The following PELI2 variants were observed in gnomAD, a reference collection of about 807,000 sequenced individuals.
PELI2 encodes the protein pellino E3 ubiquitin protein ligase family member 2, also known as E3 ubiquitin-protein ligase pellino homolog 2.
PELI2 carries 23 observed loss-of-function variants against 42.3 expected under a neutral mutation model. The ratio of observed to expected loss-of-function variants is 0.54; its 90% CI spans 0.39 to 0.77. PELI2 has a LOEUF of 0.77. Among genes scored for constraint, PELI2 ranks in the 30% least tolerant of loss-of-function variants. The pLI, the probability that PELI2 is intolerant of heterozygous loss-of-function variation, is 0.00. For missense variants in PELI2, 463 were observed against 553.2 expected (o/e 0.84, Z 1.64); for synonymous variants, 245 against 212.2 (o/e 1.15, Z -1.34).
intron 1 of PELI2, among the ~76,000 whole-genome samples, chr14:56,158,065 T>C (rs1454509988): frequency 2.6e-5 from 4 of 152,230 alleles, no homozygotes; most frequent in Non-Finnish European, 5.9e-5. Context: ...TCTCACTCTG[T>C]TGCCCAGGCT....
chr14:56,159,292 C>T (rs555772179), intron 1 of PELI2, among the ~76,000 whole-genome samples: 45 of 152,322 alleles, frequency 3.0e-4, no homozygotes, highest in African/African-American at 1.0e-3. Context: ...TCTGGGTCTT[C>T]TCCAAGTGTC....
At position 56,290,427 on chromosome 14, in the gene PELI2, A is replaced by G. The variant is rs1445871537; in HGVS notation, c.667A>G (p.Thr223Ala). 3 of 1,606,954 alleles carry G rather than the reference A, an allele frequency of 1.9e-6. No individual in the cohort carries two copies. Among genetic ancestry groups the G allele is most frequent in the African/African-American group, 1.3e-5 (1 of 74,748 alleles). ...VCGDVYTLRE[T>A]RSAQQRGKLV... ...TGGAGATGTGTACACCTTGCGAGAA[A>G]CCAGGTCGGCCCAGCAACGAGGAAA... Residue 223 changes from threonine (T) to alanine (A), a missense_variant, in exon 5 of 6, where the codon ACC becomes GCC. This residue lies in a region of PELI2 where 343 missense variants were observed against 378.4 expected (regional missense o/e 0.91). Transcript: ENST00000267460.
chr14:56,136,705 C>T (rs536008079), intron 1 of PELI2, among the ~76,000 whole-genome samples: 1 of 152,252 alleles, frequency 6.6e-6, no homozygotes, highest in East Asian at 1.9e-4. Context: ...ATGTGGGACT[C>T]CTGCCATGGG....
At chr14:56,266,373 C>G (rs1284275451) in intron 2 of PELI2, among the ~76,000 whole-genome samples, 1 of 151,868 alleles carries the variant, frequency 6.6e-6, no homozygotes, top group African/African-American at 2.4e-5. Context: ...CAATGGAAAT[C>G]TTTTTTAATA....
chr14:56,229,379 C>T (rs951382676), intron 2 of PELI2, among the ~76,000 whole-genome samples: 2 of 152,180 alleles, frequency 1.3e-5, no homozygotes, highest in African/African-American at 4.8e-5. Flanking sequence ...GCAGGGTGCC[C>T]CTCTGAGACG....
Position 56,297,063 on chromosome 14 carries a change from C to T in PELI2, c.1160C>T (p.Pro387Leu), listed in dbSNP as rs1890035199. ...AAATACTGGTCTCAGATCCCGTTGC[C>T]TCATGGAACTCATGCATTTCACGCT... ...SAKYWSQIPL[P>L]HGTHAFHAAC... The change falls in exon 6 of 6, where the codon CCT becomes CTT. Residue 387 changes from proline to leucine, a missense_variant. Physicochemically the swap from Pro to Leu is moderately conservative, Grantham distance 98 (BLOSUM62 -3). Around this residue, in one of 3 missense-constraint regions of PELI2, gnomAD observed 103 missense variants for 129.6 expected, o/e 0.80. Coordinates refer to ENST00000267460, the MANE Select transcript of PELI2 (RefSeq NM_021255.3). 1 of 1,612,942 alleles carries T rather than the reference C, an allele frequency of 6.2e-7. No individual in the cohort carries two copies. Among genetic ancestry groups the T allele is most frequent in the East Asian group, 2.2e-5 (1 of 44,888 alleles).
At chr14:56,198,806 T>C (rs912210064) in intron 2 of PELI2, among the ~76,000 whole-genome samples, 1 of 152,134 alleles carries the variant, frequency 6.6e-6, no homozygotes, top group Admixed American at 6.5e-5. Context: ...AGAGAGAGGG[T>C]ATAAATGGTT....
intron 1 of PELI2, among the ~76,000 whole-genome samples, chr14:56,125,042 GAGTGGAGTTGGAAGGCAC>G (rs1165552479): frequency 1.3e-5 from 2 of 152,214 alleles, no homozygotes; most frequent in South Asian, 2.1e-4. Flanking sequence ...GCTCTTTGCA[GAGTGGAGTTGGAAGGCAC>G]AGTGGAGTTG....
intron 2 of PELI2, among the ~76,000 whole-genome samples, chr14:56,198,753 GCTGAT>G (rs1886229690): frequency 6.6e-6 from 1 of 152,184 alleles, no homozygotes; most frequent in African/African-American, 2.4e-5. Flanking sequence ...ATGCTTATAT[GCTGAT>G]GGAGATGACC....
At chr14:56,257,959 G>C (rs1413786474) in intron 2 of PELI2, among the ~76,000 whole-genome samples, 2 of 152,304 alleles carry the variant, frequency 1.3e-5, no homozygotes, top group South Asian at 2.1e-4. Flanking sequence ...CCCTTGGTCA[G>C]GTACTGTTTT....
intron 2 of PELI2, among the ~76,000 whole-genome samples, chr14:56,215,465 G>A (rs1886874653): frequency 6.6e-6 from 1 of 152,102 alleles, no homozygotes; most frequent in South Asian, 2.1e-4. Context: ...GTAGGTAGAA[G>A]GAAATAATAC....
intron 2 of PELI2, among the ~76,000 whole-genome samples, chr14:56,247,489 T>G (rs1027457401): frequency 2.6e-5 from 4 of 152,190 alleles, no homozygotes; most frequent in African/African-American, 9.7e-5. Context: ...AAATGTACAT[T>G]TATCACTTTA....
At chr14:56,255,547 T>A (rs1396471005) in intron 2 of PELI2, among the ~76,000 whole-genome samples, 1 of 152,128 alleles carries the variant, frequency 6.6e-6, no homozygotes, top group Non-Finnish European at 1.5e-5. Context: ...GACAGGTTGA[T>A]GGGTGCAGCA....
At chr14:56,169,248 C>T (rs1449128044) in intron 1 of PELI2, among the ~76,000 whole-genome samples, 1 of 152,174 alleles carries the variant, frequency 6.6e-6, no homozygotes, top group African/African-American at 2.4e-5. Context: ...GTCTCTGGGC[C>T]TAGCTCATCA....
chr14:56,170,427 T>C (rs775471532), intron 1 of PELI2, among the ~76,000 whole-genome samples: 42 of 152,246 alleles, frequency 2.8e-4, no homozygotes, highest in Non-Finnish European at 4.9e-4. Flanking sequence ...GGCAGACATC[T>C]TTTTAAGACT....
intron 3 of PELI2, among the ~76,000 whole-genome samples, chr14:56,286,541 A>G (rs1211702197): frequency 6.6e-6 from 1 of 152,216 alleles, no homozygotes; most frequent in Non-Finnish European, 1.5e-5. Context: ...TTCTGTGACT[A>G]TCACATGAAA....
chr14:56,129,939 G>A (rs1281056639), intron 1 of PELI2, among the ~76,000 whole-genome samples: 1 of 152,158 alleles, frequency 6.6e-6, no homozygotes, highest in Non-Finnish European at 1.5e-5. Flanking sequence ...GCTTGGCCTG[G>A]TCGTGTTCCC....
chr14:56,250,729 G>T (rs992888736), intron 2 of PELI2, among the ~76,000 whole-genome samples: 4 of 152,126 alleles, frequency 2.6e-5, no homozygotes, highest in African/African-American at 7.2e-5. Context: ...GGCCCATCCA[G>T]ATTGAGAGTG....
intron 1 of PELI2, among the ~76,000 whole-genome samples, chr14:56,130,221 C>T (rs1883434275): frequency 6.6e-6 from 1 of 152,076 alleles, no homozygotes; most frequent in Non-Finnish European, 1.5e-5. Context: ...TAGCTGGGTT[C>T]TTTGTAAAGT....
Sources: gnomAD v4.1 joint callset for allele counts (sites outside exome capture counted in the v4.1 genomes callset) on GRCh38, gnomAD v4.1.1 for gene constraint, gnomAD v4.1.1 regional missense constraint, MANE v1.5 for transcripts, NCBI Gene and HGNC (gene_info 2026-07-23, HGNC 2026-07-21) for gene names.